Variants in SLC30A8 observed in about 807,000 individuals in gnomAD.
The protein encoded by SLC30A8 is solute carrier family 30 member 8, also known as proton-coupled zinc antiporter SLC30A8.
In SLC30A8, 27 loss-of-function variants were observed where a neutral mutation model predicts 36.9. The ratio of observed to expected loss-of-function variants is 0.73; its 90% CI spans 0.54 to 1.01. SLC30A8 has a LOEUF of 1.01. Among genes scored for constraint, SLC30A8 ranks in the 50% least tolerant of loss-of-function variants. The pLI, the probability that SLC30A8 is intolerant of heterozygous loss-of-function variation, is 0.00. For missense variants in SLC30A8, 439 were observed against 452.0 expected (o/e 0.97, Z 0.26); for synonymous variants, 164 against 172.4 (o/e 0.95, Z 0.38).
At chr8:117,147,298 A>G in intron 2 of SLC30A8, 145 bp downstream of exon 2, 2 of 686,076 alleles carry the variant, frequency 2.9e-6, no homozygotes, top group Middle Eastern at 4.1e-4. Flanking sequence ...GATAAGCTGA[A>G]AAATAGAAGG....
chr8:117,021,132 T>C (rs564722896), intron 1 of SLC30A8, among the ~76,000 whole-genome samples: 139 of 152,342 alleles, frequency 9.1e-4, no homozygotes, highest in African/African-American at 3.2e-3. Context: ...TAAATGGTTA[T>C]ATAGGTACCT....
At chr8:117,068,145 A>G (rs1247525319) in intron 2 of SLC30A8, among the ~76,000 whole-genome samples, 4 of 152,160 alleles carry the variant, frequency 2.6e-5, no homozygotes, top group Non-Finnish European at 5.9e-5. Context: ...TTGAAGTCTG[A>G]ATTCTTTTTA....
chr8:116,952,463 G>C (rs988339179), intron 1 of SLC30A8, among the ~76,000 whole-genome samples: 2 of 148,528 alleles, frequency 1.3e-5, no homozygotes, highest in Non-Finnish European at 3.0e-5. Flanking sequence ...TTTTTTTTCC[G>C]AGACAGAGTC....
intron 1 of SLC30A8, among the ~76,000 whole-genome samples, chr8:117,141,308 T>C (rs1172599046): frequency 6.6e-6 from 1 of 152,138 alleles, no homozygotes; most frequent in African/African-American, 2.4e-5. Flanking sequence ...CAGCAACATA[T>C]AAAATTACGA....
chr8:117,146,757 TA>T (rs1252734352), intron 1 of SLC30A8, 196 bp from the exon 2 acceptor site: 2 of 1,331,616 alleles, frequency 1.5e-6, no homozygotes, highest in African/African-American at 1.5e-5. Context: ...GTAAAACTTT[TA>T]GTAGTTGAAG....
chr8:116,992,109 G>A (rs1470314586), intron 1 of SLC30A8, among the ~76,000 whole-genome samples: 1 of 152,100 alleles, frequency 6.6e-6, no homozygotes, highest in African/African-American at 2.4e-5. Context: ...AATTACTTGC[G>A]TCAATGAACT....
At chr8:117,015,134 G>T (rs58683491) in intron 1 of SLC30A8, among the ~76,000 whole-genome samples, 3 of 151,894 alleles carry the variant, frequency 2.0e-5, no homozygotes, top group Non-Finnish European at 4.4e-5. Context: ...AGGAAACTGC[G>T]TGGCACAAAC....
intron 3 of SLC30A8, among the ~76,000 whole-genome samples, chr8:117,155,382 C>G (rs1822425792): frequency 6.6e-6 from 1 of 152,166 alleles, no homozygotes. Flanking sequence ...CTGACATCCA[C>G]AGACTCAACC....
chr8:117,065,842 G>T (rs1453909498), intron 2 of SLC30A8, among the ~76,000 whole-genome samples: 1 of 152,152 alleles, frequency 6.6e-6, no homozygotes, highest in Non-Finnish European at 1.5e-5. Flanking sequence ...CTACATGCAG[G>T]ATCAGATGTA....
intron 1 of SLC30A8, among the ~76,000 whole-genome samples, chr8:117,025,845 G>GC (rs1244404201): frequency 6.6e-6 from 1 of 152,184 alleles, no homozygotes; most frequent in African/African-American, 2.4e-5. Context: ...CCTGATGATG[G>GC]ATGCTCTTCT....
At chr8:117,012,737 A>G (rs1031494907) in intron 1 of SLC30A8, among the ~76,000 whole-genome samples, 2 of 149,684 alleles carry the variant, frequency 1.3e-5, no homozygotes, top group African/African-American at 4.9e-5. Context: ...ACACACACAC[A>G]CACACACACA....
intron 2 of SLC30A8, among the ~76,000 whole-genome samples, chr8:117,112,250 G>T (rs1054899488): frequency 4.6e-5 from 7 of 152,102 alleles, no homozygotes; most frequent in African/African-American, 1.7e-4. Context: ...CTTGAAAGAT[G>T]AGATTCCTGG....
At chr8:117,094,457 C>T (rs914309881) in intron 2 of SLC30A8, among the ~76,000 whole-genome samples, 9 of 152,190 alleles carry the variant, frequency 5.9e-5, no homozygotes, top group African/African-American at 1.7e-4. Context: ...GAATGGGCCG[C>T]TCCTCTCTGC....
At chr8:116,976,829 T>TCTTTTCTTTTCTTTTCTTTTC (rs1815043579) in intron 1 of SLC30A8, among the ~76,000 whole-genome samples, 11 of 144,266 alleles carry the variant, frequency 7.6e-5, no homozygotes, top group African/African-American at 2.9e-4. Flanking sequence ...TTTCTTTTTT[T>TCTTTTCTTTTCTTTTCTTTTC]TTTTTTTTTA....
chr8:117,043,580 A>T (rs1817456512), intron 2 of SLC30A8, among the ~76,000 whole-genome samples: 1 of 152,264 alleles, frequency 6.6e-6, no homozygotes, highest in African/African-American at 2.4e-5. Context: ...ACTTGACTAT[A>T]AAACAGGGGT....
At chr8:116,977,914 A>G (rs1486828792) in intron 1 of SLC30A8, among the ~76,000 whole-genome samples, 1 of 152,084 alleles carries the variant, frequency 6.6e-6, no homozygotes, top group Non-Finnish European at 1.5e-5. Flanking sequence ...ATATTTTTAC[A>G]TGAATTTCTT....
At chr8:117,015,317 AT>A (rs925950825) in intron 1 of SLC30A8, among the ~76,000 whole-genome samples, 84 of 152,290 alleles carry the variant, frequency 5.5e-4, no homozygotes, top group African/African-American at 1.9e-3. Context: ...CAAACAGCCC[AT>A]TCTTATAGTT....
intron 2 of SLC30A8, among the ~76,000 whole-genome samples, chr8:117,070,171 AG>A (rs1463843203): frequency 6.6e-6 from 1 of 152,204 alleles, no homozygotes; most frequent in Non-Finnish European, 1.5e-5. Context: ...GAAACAAAAC[AG>A]CACCAAAATC....
intron 2 of SLC30A8, among the ~76,000 whole-genome samples, chr8:117,045,895 T>C (rs1273900550): frequency 1.3e-5 from 2 of 152,084 alleles, no homozygotes; most frequent in Non-Finnish European, 2.9e-5. Flanking sequence ...TTTACCCTTT[T>C]TCAAGGAGAG....
Sources: allele counts gnomAD v4.1 joint callset (sites outside exome capture counted in the v4.1 genomes callset), GRCh38; gene constraint gnomAD v4.1.1; transcripts MANE v1.5; gene names NCBI Gene and HGNC (gene_info 2026-07-23, HGNC 2026-07-21).